MAPK8IP3: variants seen among roughly 807,000 people sequenced by gnomAD.
MAPK8IP3 encodes the protein C-Jun-amino-terminal kinase-interacting protein 3.
Under a neutral mutation model 157.8 loss-of-function variants are expected in MAPK8IP3, and 49 were observed. The observed-to-expected ratio is 0.31, with a 90% CI of 0.25 to 0.39. The LOEUF is 0.39. Ranked by LOEUF, MAPK8IP3 falls within the 10% of genes least tolerant of loss-of-function variation. MAPK8IP3 has a pLI of 1.00. For missense variants in MAPK8IP3, 1,478 were observed against 1,889.4 expected (o/e 0.78, Z 4.04); for synonymous variants, 897 against 777.7 (o/e 1.15, Z -2.55).
intron 4 of MAPK8IP3, among the ~76,000 whole-genome samples, chr16:1,740,570 C>T (rs540633921): frequency 2.0e-5 from 3 of 152,360 alleles, no homozygotes; most frequent in South Asian, 4.1e-4. Flanking sequence ...TGTGCCATCA[C>T]CACATGCTGA....
chr16:1,728,587 G>C (rs1357858172), intron 2 of MAPK8IP3, among the ~76,000 whole-genome samples: 1 of 146,260 alleles, frequency 6.8e-6, no homozygotes, highest in Non-Finnish European at 1.5e-5. Flanking sequence ...CCCCCAGACG[G>C]CCTTCACAGA....
chr16:1,768,528 G>T lies in MAPK8IP3; in HGVS notation c.3794G>T (p.Gly1265Val). The T allele has an allele frequency of 6.4e-7, 1 of 1,559,586 alleles. No individual in the cohort carries two copies. The highest frequency in any genetic ancestry group is 8.7e-7 in the Non-Finnish European group (1 of 1,153,694). The part of the protein sequence containing the change: ...NGSVLDSPAE[G>V]PGPAAPASEV... ...AGTGTGCTGGACAGCCCAGCCGAGG[G>T]CCCTGGGCCAGCTGCCCCTGCCTCG... Residue 1265 changes from glycine to valine, a missense_variant, in exon 31 of 32, where the codon GGC (glycine) becomes GTC (valine). Physicochemically the swap from Gly to Val is moderately radical, Grantham distance 109 (BLOSUM62 -3). Coordinates refer to ENST00000610761, the MANE Select transcript of MAPK8IP3 (RefSeq NM_001318852.2).
intron 1 of MAPK8IP3, among the ~76,000 whole-genome samples, chr16:1,711,989 C>T (rs1278934359): frequency 6.7e-6 from 1 of 149,864 alleles, no homozygotes; most frequent in Non-Finnish European, 1.5e-5. Flanking sequence ...TCCCGAGCTC[C>T]CCTTGTCACC....
rs1596825418 is a variant in MAPK8IP3 at position 1,769,033 on chromosome 16, G to A, written c.*209G>A. The stretch of plus-strand genomic sequence containing the variant: ...GAGGGGAGGGGAACTTCCACCCGAG[G>A]GGAAGATGCTCTCGGGACAGTTTCC... On this transcript the variant is annotated 3_prime_UTR_variant, in exon 32 of 32. Transcript: ENST00000610761. 5 of 608,952 alleles carry A rather than the reference G, an allele frequency of 8.2e-6. No homozygotes were observed. The highest frequency in any genetic ancestry group is 1.4e-5 in the Non-Finnish European group (5 of 348,198). The allele number at this position is 608,952 out of a possible 1,614,324, so 37.7% of individuals were successfully genotyped here.
intron 3 of MAPK8IP3, 90 bp downstream of exon 3, chr16:1,729,298 C>A: frequency 6.9e-7 from 1 of 1,444,096 alleles, no homozygotes; most frequent in Non-Finnish European, 9.7e-7. Context: ...GGTTTTCTTC[C>A]CTGGCATGTC....
intron 4 of MAPK8IP3, among the ~76,000 whole-genome samples, chr16:1,737,989 A>G (rs1172930631): frequency 1.4e-5 from 1 of 69,194 alleles, no homozygotes; most frequent in Non-Finnish European, 2.6e-5. Context: ...CGTCCGTGTG[A>G]CCATCCATGT....
intron 6 of MAPK8IP3, 41 bp downstream of exon 6, chr16:1,747,316 G>A (rs771111227): frequency 6.4e-5 from 103 of 1,600,814 alleles, no homozygotes; most frequent in Non-Finnish European, 8.1e-5. Flanking sequence ...CCTCGGGCAG[G>A]AGGCAGGGCT....
At chr16:1,737,682 G>A (rs1469603574) in intron 4 of MAPK8IP3, among the ~76,000 whole-genome samples, 2 of 84,118 alleles carry the variant, frequency 2.4e-5, no homozygotes. Flanking sequence ...GCGTGTGACC[G>A]TCCGTGTGTG....
At chr16:1,715,090 C>G (rs1386382054) in intron 1 of MAPK8IP3, among the ~76,000 whole-genome samples, 1 of 151,906 alleles carries the variant, frequency 6.6e-6, no homozygotes, top group Admixed American at 6.6e-5. Flanking sequence ...ATATCTATTT[C>G]CCATCTGTCT....
intron 8 of MAPK8IP3, among the ~76,000 whole-genome samples, chr16:1,753,851 G>A (rs2041438630): frequency 6.6e-6 from 1 of 151,884 alleles, no homozygotes; most frequent in Non-Finnish European, 1.5e-5. Flanking sequence ...ATGTTAACAT[G>A]AGGAAAAAAA....
chr16:1,762,256 C>T (rs1364987012), intron 13 of MAPK8IP3, 95 bp from the exon 14 acceptor site: 1 of 1,427,216 alleles, frequency 7.0e-7, no homozygotes, highest in Non-Finnish European at 9.2e-7. Context: ...GAAATTGGCA[C>T]TGAGATCCAC....
chr16:1,750,252 C>G (rs992894326), intron 8 of MAPK8IP3, among the ~76,000 whole-genome samples: 1 of 152,132 alleles, frequency 6.6e-6, no homozygotes, highest in Non-Finnish European at 1.5e-5. Flanking sequence ...CCCGCTCTGT[C>G]GCCAGGCTGG....
At chr16:1,731,998 T>C (rs1263176115) in intron 4 of MAPK8IP3, among the ~76,000 whole-genome samples, 1 of 152,142 alleles carries the variant, frequency 6.6e-6, no homozygotes, top group Non-Finnish European at 1.5e-5. Context: ...GGAGCCTGCC[T>C]AGAATGGGTT....
At chr16:1,719,668 C>CAAAAAAAAA (rs58680997) in intron 1 of MAPK8IP3, among the ~76,000 whole-genome samples, 1 of 51,124 alleles carries the variant, frequency 2.0e-5, no homozygotes, top group Non-Finnish European at 4.6e-5. Flanking sequence ...CCCATCTCTA[C>CAAAAAAAAA]AAAAAAAAAA....
rs1301734111 is a variant in MAPK8IP3, at chr16:1,768,124, C to T, written c.3562+17C>T. On this transcript the variant is annotated intron_variant, in intron 29 of 31. Coordinates refer to ENST00000610761, the MANE Select transcript of MAPK8IP3 (RefSeq NM_001318852.2). Reference sequence around the variant, plus strand: ...GGCTCCGAGGTAAGCCCAGCCACCTCGTGTCCCCTCACGGGAGCCTCTCCC... The same window carrying T: ...GGCTCCGAGGTAAGCCCAGCCACCTTGTGTCCCCTCACGGGAGCCTCTCCC... The T allele has an allele frequency of 9.3e-6, 15 of 1,612,006 alleles. No individual in the cohort carries two copies. In the East Asian group the frequency reaches 1.1e-4, roughly 12 times the overall value.
rs1567214879 is a variant in MAPK8IP3 at position 1,768,060 on chromosome 16, T to C, written c.3524-9T>C. Reference sequence around the variant, plus strand: ...CTCCTCTTCTCCCATGCTCCTCCCATGTCCCCAGCTGTGGTCCTGCACCGA... The same window carrying C: ...CTCCTCTTCTCCCATGCTCCTCCCACGTCCCCAGCTGTGGTCCTGCACCGA... On this transcript the variant is annotated splice_polypyrimidine_tract_variant and intron_variant, in intron 28 of 31. Coordinates refer to ENST00000610761, the MANE Select transcript of MAPK8IP3 (RefSeq NM_001318852.2). 8 of 1,612,372 alleles carry C rather than the reference T, an allele frequency of 5.0e-6. No individual in the cohort carries two copies. The highest frequency in any genetic ancestry group is 1.7e-5 in the Admixed American group (1 of 60,012).
At chr16:1,764,085 G>C in intron 17 of MAPK8IP3, 30 bp from the exon 18 acceptor site, 4 of 1,565,390 alleles carry the variant, frequency 2.6e-6, no homozygotes, top group Non-Finnish European at 3.5e-6. Context: ...GCCAGGGTTC[G>C]TGCCCACGGC....
chr16:1,712,135 C>T (rs1354499196), intron 1 of MAPK8IP3, among the ~76,000 whole-genome samples: 1 of 141,030 alleles, frequency 7.1e-6, no homozygotes, highest in Admixed American at 7.4e-5. Context: ...AATCTCGGCT[C>T]ACTGCAAGCT....
chr16:1,769,590 G>A lies in MAPK8IP3; in HGVS notation c.*766G>A, dbSNP rs1437240102. 2 of 152,534 alleles carry A rather than the reference G, an allele frequency of 1.3e-5. No individual in the cohort carries two copies. The highest frequency in any genetic ancestry group is 2.1e-4 in the South Asian group (1 of 4,832). 9.4% of individuals were successfully genotyped at this position (152,534 alleles called of 1,614,324 possible). A position where few individuals can be genotyped will look rare whatever the true frequency, so the allele number is the denominator to read the frequency against. On this transcript the variant is annotated 3_prime_UTR_variant, in exon 32 of 32. Coordinates refer to ENST00000610761, the MANE Select transcript of MAPK8IP3 (RefSeq NM_001318852.2). The stretch of plus-strand genomic sequence containing the variant: ...CAGAAGACTCACCTTGGAGGAGTGG[G>A]CCCTGGAGTCCTGTCCCTCCCAGAA...
Sources: gnomAD v4.1 joint callset for allele counts (sites outside exome capture counted in the v4.1 genomes callset) on GRCh38, gnomAD v4.1.1 for gene constraint, MANE v1.5 for transcripts, NCBI Gene and HGNC (gene_info 2026-07-23, HGNC 2026-07-21) for gene names.